The following KCNN2 variants were observed in gnomAD, a reference collection of about 807,000 sequenced individuals.
The protein encoded by KCNN2 is small conductance calcium-activated potassium channel protein 2.
A neutral mutation model predicts 55.5 loss-of-function variants in KCNN2; 24 were observed. The observed-to-expected ratio is 0.43, with a 90% CI of 0.31 to 0.61. The LOEUF is 0.61. KCNN2 is among the 20% of genes least tolerant of loss of function. The pLI is 0.08. For missense variants in KCNN2, 754 were observed against 853.6 expected, an observed-to-expected ratio of 0.88 and a Z score of 1.45; for synonymous variants, 431 against 336.1, an observed-to-expected ratio of 1.28 and a Z score of -3.09.
chr5:114,184,380 G>C (rs1342946316), intron 1 of KCNN2, among the ~76,000 whole-genome samples: 1 of 152,126 alleles, frequency 6.6e-6, no homozygotes, highest in African/African-American at 2.4e-5. Context: ...GAAATAAAGT[G>C]ACTTAAATCA....
intron 2 of KCNN2, among the ~76,000 whole-genome samples, chr5:114,238,679 A>G (rs550599053): frequency 2.6e-5 from 4 of 152,186 alleles, no homozygotes; most frequent in South Asian, 2.1e-4. Context: ...TTAATTTTCT[A>G]AAAAACAATT....
chr5:114,236,923 G>C (rs1051212264), intron 2 of KCNN2, among the ~76,000 whole-genome samples: 1 of 152,006 alleles, frequency 6.6e-6, no homozygotes, highest in African/African-American at 2.4e-5. Context: ...TATTTTGCAT[G>C]TTACTAGTTT....
chr5:114,402,126 A>T (rs1758805472), intron 2 of KCNN2, among the ~76,000 whole-genome samples: 1 of 152,198 alleles, frequency 6.6e-6, no homozygotes, highest in African/African-American at 2.4e-5. Context: ...CAGAATGGAG[A>T]GAAAGACAGT....
chr5:114,425,938 G>T lies in KCNN2; in HGVS notation c.1637+21082G>T, dbSNP rs142164850. 7.6e-4 allele frequency among the ~76,000 whole-genome samples: 115 copies of T among 151,922 alleles called. 2 individuals are homozygous for T. The East Asian group carries it at 0.018, about 24-fold the overall frequency. On this transcript the variant is annotated intron_variant, in intron 3 of 7. Coordinates refer to ENST00000673685, the MANE Select transcript of KCNN2 (RefSeq NM_021614.4). ...CTCACACCTGCAATCCTAGCACTTT[G>T]TGAGGCCGAGGTGGGTGAATGACTT... is the stretch of plus-strand genomic sequence containing the variant.
intron 3 of KCNN2, among the ~76,000 whole-genome samples, chr5:114,462,136 C>T (rs1194699048): frequency 2.0e-5 from 3 of 152,134 alleles, no homozygotes; most frequent in African/African-American, 4.8e-5. Flanking sequence ...TCTAGGGTGA[C>T]AACTCTGATG....
intron 1 of KCNN2, among the ~76,000 whole-genome samples, chr5:114,146,701 G>A (rs1752404399): frequency 6.6e-6 from 1 of 152,122 alleles, no homozygotes; most frequent in South Asian, 2.1e-4. Flanking sequence ...GAACAGTATT[G>A]TACAATTTGT....
intron 1 of KCNN2, among the ~76,000 whole-genome samples, chr5:114,219,182 G>T (rs1183986004): frequency 6.6e-6 from 1 of 152,228 alleles, no homozygotes; most frequent in Non-Finnish European, 1.5e-5. Context: ...CAGAGGGCAT[G>T]TGTTACAGTG....
At chr5:114,226,583 A>G (rs1754240819) in intron 2 of KCNN2, among the ~76,000 whole-genome samples, 2 of 152,148 alleles carry the variant, frequency 1.3e-5, no homozygotes, top group Non-Finnish European at 2.9e-5. Flanking sequence ...ATTGTTAATA[A>G]TAAAAGTTAT....
intron 1 of KCNN2, among the ~76,000 whole-genome samples, chr5:114,150,803 C>T (rs1174535628): frequency 6.6e-6 from 1 of 152,184 alleles, no homozygotes; most frequent in East Asian, 1.9e-4. Flanking sequence ...AGGCAGATCA[C>T]CTCGGGTTGG....
intron 1 of KCNN2, among the ~76,000 whole-genome samples, chr5:114,217,142 T>C (rs1413758197): frequency 1.3e-5 from 2 of 152,268 alleles, no homozygotes; most frequent in East Asian, 1.9e-4. Flanking sequence ...TCCATGTTCA[T>C]GAATGGGAAA....
At chr5:114,339,083 A>G (rs1467758485) in intron 2 of KCNN2, among the ~76,000 whole-genome samples, 1 of 151,846 alleles carries the variant, frequency 6.6e-6, no homozygotes, top group Non-Finnish European at 1.5e-5. Flanking sequence ...GAGGTAGACA[A>G]CTCCTTTGGT....
At chr5:114,194,710 T>C (rs1226758321) in intron 1 of KCNN2, among the ~76,000 whole-genome samples, 6 of 152,104 alleles carry the variant, frequency 3.9e-5, no homozygotes, top group Non-Finnish European at 4.4e-5. Flanking sequence ...TTGATGTTTT[T>C]TTCTTGTCAC....
At chr5:114,300,786 C>T (rs561732673) in intron 2 of KCNN2, among the ~76,000 whole-genome samples, 17 of 152,156 alleles carry the variant, frequency 1.1e-4, no homozygotes, top group Non-Finnish European at 2.1e-4. Flanking sequence ...GAGGGTACTT[C>T]ATGTAATTCT....
In KCNN2 at chr5:114,487,158, T is replaced by C. The variant is rs1327103407; in HGVS notation, c.1999T>C (p.Phe667Leu). 2 of 1,612,842 alleles carry C rather than the reference T, an allele frequency of 1.2e-6. No individual in the cohort carries two copies. Residue 667 changes from phenylalanine to leucine, a missense_variant, in exon 6 of 8, where the codon TTC (phenylalanine) becomes CTC (leucine). This residue lies in a region of KCNN2 where 164 missense variants were observed against 156.6 expected (regional missense o/e 1.05). Transcript: ENST00000673685. ...AAAAGTAAGAAAACATCAACGAAAATTCCTGCAAGCTATTCATCAGTAAGT... is the reference window on the plus strand; with the variant it reads ...AAAAGTAAGAAAACATCAACGAAAACTCCTGCAAGCTATTCATCAGTAAGT... The part of the protein sequence containing the change: ...HAKVRKHQRK[F>L]LQAIHQLRSV...
At chr5:114,173,190 T>G (rs1165769163) in intron 1 of KCNN2, among the ~76,000 whole-genome samples, 1 of 152,018 alleles carries the variant, frequency 6.6e-6, no homozygotes. Flanking sequence ...AGAAACTGTC[T>G]TTTCCCCAAC....
chr5:114,371,506 T>C (rs1410035994), intron 2 of KCNN2, among the ~76,000 whole-genome samples: 1 of 152,140 alleles, frequency 6.6e-6, no homozygotes, highest in East Asian at 1.9e-4. Context: ...TATTGAATGC[T>C]ACCAAGGTCT....
At chr5:114,238,875 G>C (rs539582690) in intron 2 of KCNN2, among the ~76,000 whole-genome samples, 2 of 152,120 alleles carry the variant, frequency 1.3e-5, no homozygotes, top group African/African-American at 4.8e-5. Flanking sequence ...GGAGAACAGG[G>C]TACAGTGTTC....
At chr5:114,341,524 AC>A (rs1440748409) in intron 2 of KCNN2, among the ~76,000 whole-genome samples, 7 of 151,972 alleles carry the variant, frequency 4.6e-5, no homozygotes. Flanking sequence ...ATTATCACTA[AC>A]TCCTGTTTGA....
chr5:114,191,532 TA>T (rs919025201), intron 1 of KCNN2, among the ~76,000 whole-genome samples: 5 of 152,040 alleles, frequency 3.3e-5, no homozygotes, highest in African/African-American at 4.8e-5. Context: ...GTTTAAGTAA[TA>T]AAAAAATTAT....
Sources: gnomAD v4.1 joint callset for allele counts (sites outside exome capture counted in the v4.1 genomes callset) on GRCh38, gnomAD v4.1.1 for gene constraint, gnomAD v4.1.1 regional missense constraint, MANE v1.5 for transcripts, NCBI Gene and HGNC (gene_info 2026-07-23, HGNC 2026-07-21) for gene names.